Variants in FER1L5 observed in about 807,000 individuals in gnomAD.
The protein encoded by FER1L5 is fer-1 like family member 5.
FER1L5 carries 187 observed loss-of-function variants against 279.9 expected under a neutral mutation model. That is an observed-to-expected ratio of 0.67 (90% confidence interval 0.59 to 0.75). The LOEUF is 0.75. Ranked by LOEUF, FER1L5 falls within the 30% of genes least tolerant of loss-of-function variation. FER1L5 has a pLI of 0.00. For missense variants in FER1L5, 2,091 were observed against 2,594.4 expected (o/e 0.81, Z 4.21); for synonymous variants, 921 against 989.7 (o/e 0.93, Z 1.30).
chr2:96,670,255 C>CG lies in FER1L5; in HGVS notation c.1491+11dup. On this transcript the variant is annotated intron_variant, in intron 18 of 52. Coordinates refer to ENST00000624922, the MANE Select transcript of FER1L5 (RefSeq NM_001293083.2). ...GAAGTGACCAGGATAGAGGTAACTG[C>CG]GGGAAACAGGTAACCCAGGGAAAAA... 1.9e-6 allele frequency: 3 copies of CG among 1,550,902 alleles called. No homozygotes were observed. The highest frequency in any genetic ancestry group is 2.6e-6 in the Non-Finnish European group (3 of 1,146,522).
Position 96,652,014 on chromosome 2 carries a change from TAA to T in FER1L5, c.628_629del (p.Asn210Ter). Reference protein sequence around the residue: ...RIKMGNNPFFNEIFFQNFHEV... With the variant: ...RIKMGNNPFFXEIFFQNFHEV... ...TCAAGATGGGAAACAACCCTTTCTT[TAA>T]TGAGGTGGGCTGAACGGGGCACATC... On this transcript the variant is annotated frameshift_variant, in exon 7 of 53. Coordinates refer to ENST00000624922, the MANE Select transcript of FER1L5 (RefSeq NM_001293083.2). LOFTEE classifies it high-confidence loss of function. 1 of 1,551,732 alleles carries T rather than the reference TAA, an allele frequency of 6.4e-7. No homozygotes were observed. Among genetic ancestry groups the T allele is most frequent in the African/African-American group, 1.4e-5 (1 of 73,168 alleles).
chr2:96,659,296 T>C (rs148356576), intron 9 of FER1L5, among the ~76,000 whole-genome samples: 541 of 23,944 alleles, frequency 0.023, 28 homozygotes, highest in African/African-American at 0.066. Context: ...AAGCTTTCCT[T>C]CCTTCCTTCC....
intron 45 of FER1L5, 72 bp downstream of exon 45, chr2:96,700,543 C>T: frequency 6.3e-7 from 1 of 1,592,956 alleles, no homozygotes; most frequent in Non-Finnish European, 8.5e-7. Flanking sequence ...TGCCTGTCCA[C>T]CCAGGACATA....
At chr2:96,646,938 T>G (rs2075156761) in intron 2 of FER1L5, 126 bp from the exon 3 acceptor site, 1 of 963,744 alleles carries the variant, frequency 1.0e-6, no homozygotes, top group African/African-American at 1.7e-5. Flanking sequence ...AAATTAGACA[T>G]GAGGGAGGTT....
At chr2:96,682,662 C>A (rs2076772952) in intron 19 of FER1L5, among the ~76,000 whole-genome samples, 1 of 152,228 alleles carries the variant, frequency 6.6e-6, no homozygotes, top group African/African-American at 2.4e-5. Context: ...GGGACACTGC[C>A]AAGCAGGGAC....
In FER1L5 at chr2:96,693,507, G is replaced by C. The variant is rs1213701966; in HGVS notation, c.3294G>C (p.Gly1098=). 4.5e-6 allele frequency: 7 copies of C among 1,551,130 alleles called. No individual in the cohort carries two copies. The highest frequency in any genetic ancestry group is 6.1e-6 in the Non-Finnish European group (7 of 1,146,734). Residue 1098 remains glycine, a splice_region_variant and synonymous_variant, in exon 32 of 53, where the codon GGG becomes GGC. Coordinates refer to ENST00000624922, the MANE Select transcript of FER1L5 (RefSeq NM_001293083.2). ...LVSNQILTFQ[G]PFIRVVFLNH... ...CTACCTTCTCCTCTACCCCTCCAGG[G>C]CCCTTCATTCGGGTGGTCTTCCTGA...
At position 96,702,405 on chromosome 2, in the gene FER1L5, G is replaced by A. The variant is rs2077617722; in HGVS notation, c.5255+4G>A. ...CGAGCGACATCTACATCAAAGGGTA[G>A]GGAAGAGGAGTCAGGCTCCGGCAGA... On this transcript the variant is annotated splice_donor_region_variant and intron_variant, in intron 47 of 52. Coordinates refer to ENST00000624922, the MANE Select transcript of FER1L5 (RefSeq NM_001293083.2). The surrounding 1 kb of genome is among the most constrained non-coding windows in gnomAD (Gnocchi z 4.0). 1.2e-6 allele frequency: 2 copies of A among 1,608,458 alleles called. No homozygotes were observed.
rs1279322667 is a variant in FER1L5, at chr2:96,670,190, C to T, written c.1434C>T (p.Ile478=). Residue 478 remains isoleucine, a synonymous_variant, in exon 18 of 53, where the codon ATC becomes ATT. Transcript: ENST00000624922. ...GRVFLELITQ[I]KSYQDSTIKD... is the part of the protein sequence containing the mutation. ...TCTTCCTGGAGTTAATCACCCAAAT[C>T]AAGTCCTATCAAGACTCCACGATAA... The T allele has an allele frequency of 7.1e-6, 11 of 1,551,488 alleles. No individual in the cohort carries two copies. The East Asian group carries it at 2.4e-4, about 34-fold the overall frequency.
At chr2:96,654,363 T>C in intron 8 of FER1L5, 83 bp from the exon 9 acceptor site, 1 of 397,798 alleles carries the variant, frequency 2.5e-6, no homozygotes, top group Non-Finnish European at 4.4e-6. Context: ...GGATCCTGGT[T>C]GTGCCTTTGC....
chr2:96,663,514 C>T lies in FER1L5; in HGVS notation c.1140+7C>T. The T allele has an allele frequency of 6.4e-7, 1 of 1,551,436 alleles. No individual in the cohort carries two copies. The highest frequency in any genetic ancestry group is 8.7e-7 in the Non-Finnish European group (1 of 1,146,816). On this transcript the variant is annotated splice_region_variant and intron_variant, in intron 14 of 52. Coordinates refer to ENST00000624922, the MANE Select transcript of FER1L5 (RefSeq NM_001293083.2). ...CCTGACCTTCCGGATTCAGGTATGG[C>T]TCCTCCATCATGCCCACCCTTCTCC...
In FER1L5 at chr2:96,698,882, C is replaced by A. The variant is rs1298795149; in HGVS notation, c.4518+50C>A. 2 of 1,544,724 alleles carry A rather than the reference C, an allele frequency of 1.3e-6. No individual in the cohort carries two copies. Among genetic ancestry groups the A allele is most frequent in the African/African-American group, 1.4e-5 (1 of 72,842 alleles). On this transcript the variant is annotated intron_variant, in intron 41 of 52. Coordinates refer to ENST00000624922, the MANE Select transcript of FER1L5 (RefSeq NM_001293083.2). This position sits in a 1 kb window ranked among gnomAD's most constrained non-coding sequence, Gnocchi z 5.5. ...CAGGTGCCCCGCACGCTCCCCTCAA[C>A]CCATCTCTGGGAGCCCCCTCCGACT...
At position 96,691,166 on chromosome 2, in the gene FER1L5, G is replaced by A. The variant is rs1402195608; in HGVS notation, c.2744-24G>A. The A allele has an allele frequency of 2.6e-6, 4 of 1,533,918 alleles. No homozygotes were observed. Among genetic ancestry groups the A allele is most frequent in the Non-Finnish European group, 3.5e-6 (4 of 1,136,842 alleles). On this transcript the variant is annotated intron_variant, in intron 27 of 52. Coordinates refer to ENST00000624922, the MANE Select transcript of FER1L5 (RefSeq NM_001293083.2). The surrounding 1 kb of genome is among the most constrained non-coding windows in gnomAD (Gnocchi z 6.0). ...CAACCTGCGGGCACCTGAGGACTCA[G>A]AGGCCATGGTCCACCCACCGCAGGC...
rs530194314 is a variant in FER1L5, at chr2:96,704,288, C to T, written c.5875C>T (p.Arg1959Cys). 40 of 1,613,994 alleles carry T rather than the reference C, an allele frequency of 2.5e-5. No individual in the cohort carries two copies. The highest frequency in any genetic ancestry group is 2.3e-4 in the Admixed American group (14 of 60,020). The change falls in exon 52 of 53, where the codon CGC (arginine) becomes TGC (cysteine). Residue 1959 changes from arginine to cysteine, a missense_variant. Coordinates refer to ENST00000624922, the MANE Select transcript of FER1L5 (RefSeq NM_001293083.2). ...NFCYIFWKRYRFKLIAFMVIS... is the reference protein window; with the variant it reads ...NFCYIFWKRYCFKLIAFMVIS... ...CTGCTATATTTTCTGGAAACGCTATCGCTTCAAACTCATAGCCTTTATGGT... is the reference window on the plus strand; with the variant it reads ...CTGCTATATTTTCTGGAAACGCTATTGCTTCAAACTCATAGCCTTTATGGT...
rs778789338 is a variant in FER1L5, at chr2:96,696,093, A to G, written c.4083+16A>G. 1.2e-5 allele frequency: 20 copies of G among 1,613,508 alleles called. No homozygotes were observed. Among genetic ancestry groups the G allele is most frequent in the Non-Finnish European group, 1.6e-5 (19 of 1,179,868 alleles). On this transcript the variant is annotated intron_variant, in intron 37 of 52. Coordinates refer to ENST00000624922, the MANE Select transcript of FER1L5 (RefSeq NM_001293083.2). ...GCACCAAGACGTAAGTAAGGGCTGC[A>G]GGCCCACCTTCTCCCATACTGTTGA...
chr2:96,703,649 C>T lies in FER1L5; in HGVS notation c.5801+17C>T. On this transcript the variant is annotated intron_variant, in intron 51 of 52. Coordinates refer to ENST00000624922, the MANE Select transcript of FER1L5 (RefSeq NM_001293083.2). ...TCCTCCCCTGTAAGGGTCCTTGGGG[C>T]AAAAGCACCAGATCTTTCTTGCTCC... The T allele has an allele frequency of 6.2e-7, 1 of 1,609,784 alleles. No homozygotes were observed. Among genetic ancestry groups the T allele is most frequent in the Non-Finnish European group, 8.5e-7 (1 of 1,176,198 alleles).
At chr2:96,674,365 G>A (rs374994769) in intron 19 of FER1L5, among the ~76,000 whole-genome samples, 17 of 152,244 alleles carry the variant, frequency 1.1e-4, no homozygotes, top group African/African-American at 3.6e-4. Flanking sequence ...TGGGACTACA[G>A]GCACATGCCA....
At position 96,704,867 on chromosome 2, in the gene FER1L5, A is replaced by G. The variant is rs143694924; in HGVS notation, c.*175A>G. The G allele has an allele frequency of 2.3e-4, 141 of 622,062 alleles. No individual in the cohort carries two copies. In the African/African-American group the frequency reaches 2.5e-3, roughly 11 times the overall value. The allele number at this position is 622,062 out of a possible 1,614,324, so 38.5% of individuals were successfully genotyped here. ...CAGAGCTGTAATTTTCCACTGAAAT[A>G]AACAAGTTCTATAACAGAGAGCCAT... On this transcript the variant is annotated 3_prime_UTR_variant, in exon 53 of 53. Transcript: ENST00000624922.
chr2:96,702,701 A>G lies in FER1L5; in HGVS notation c.5357A>G (p.Asp1786Gly), dbSNP rs1163208239. Residue 1786 changes from aspartate (D) to glycine (G), a missense_variant, in exon 48 of 53, where the codon GAC (aspartate) becomes GGC (glycine). Physicochemically the swap from Asp to Gly is moderately conservative, Grantham distance 94. Coordinates refer to ENST00000624922, the MANE Select transcript of FER1L5 (RefSeq NM_001293083.2). This position sits in a 1 kb window ranked among gnomAD's most constrained non-coding sequence, Gnocchi z 4.0. ...DFNWRFIFTMDYLAAERTCVQ... is the reference protein window; with the variant it reads ...DFNWRFIFTMGYLAAERTCVQ... ...AACTGGCGGTTCATCTTTACCATGG[A>G]CTACCTGGCGGCGGAGCGCACGTGT... is the stretch of plus-strand genomic sequence containing the variant. The G allele has an allele frequency of 6.2e-7, 1 of 1,613,078 alleles. No homozygotes were observed. The highest frequency in any genetic ancestry group is 2.2e-5 in the East Asian group (1 of 44,852).
chr2:96,671,106 CAAAAAAA>C (rs750341048), intron 18 of FER1L5, among the ~76,000 whole-genome samples: 7 of 40,220 alleles, frequency 1.7e-4, no homozygotes, highest in East Asian at 8.6e-4. Flanking sequence ...GACTCCATCT[CAAAAAAA>C]AAAAAAAAAA....
Sources: gnomAD v4.1 joint callset for allele counts (sites outside exome capture counted in the v4.1 genomes callset) on GRCh38, gnomAD v4.1.1 for gene constraint, Gnocchi (gnomAD v3.1) non-coding constraint, MANE v1.5 for transcripts, NCBI Gene and HGNC (gene_info 2026-07-23, HGNC 2026-07-21) for gene names.